Variants in TTC16 observed in about 807,000 individuals in gnomAD.
The protein encoded by TTC16 is tetratricopeptide repeat protein 16.
Under a neutral mutation model 80.4 loss-of-function variants are expected in TTC16, and 66 were observed. The observed-to-expected ratio is 0.82, with a 90% CI of 0.67 to 1.01. The LOEUF (loss-of-function observed/expected upper bound fraction) is 1.01. Ranked by LOEUF, TTC16 falls within the 50% of genes least tolerant of loss-of-function variation. The probability of loss-of-function intolerance (pLI) is 0.00; values close to 1 mark genes in which losing one functional copy is unlikely to be tolerated. For synonymous variants in TTC16, 438 were observed against 451.3 expected (o/e 0.97, Z 0.37); for missense variants, 1,070 against 1,103.2 (o/e 0.97, Z 0.43).
rs1469036920 is a variant in TTC16, at chr9:127,724,829, G to T, written c.1191G>T (p.Gln397His). Residue 397 changes from glutamine (Q) to histidine (H), a missense_variant, in exon 9 of 14, where the codon CAG (glutamine) becomes CAT (histidine). Transcript: ENST00000373289. ...AGCAGGCGCTGGCGCTGAGCCCTCAGGACGAGGGCGCCAACACGCGCATGG... is the reference window on the plus strand; with the variant it reads ...AGCAGGCGCTGGCGCTGAGCCCTCATGACGAGGGCGCCAACACGCGCATGG... ...DYQQALALSPQDEGANTRMGL... is the reference protein window; with the variant it reads ...DYQQALALSPHDEGANTRMGL... The T allele has an allele frequency of 1.2e-6, 2 of 1,604,232 alleles. No homozygotes were observed. Among genetic ancestry groups the T allele is most frequent in the Admixed American group, 3.4e-5 (2 of 58,882 alleles).
At chr9:127,716,476 G>C in intron 1 of TTC16, 1 of 549,684 alleles carries the variant, frequency 1.8e-6, no homozygotes, top group Non-Finnish European at 3.3e-6. Flanking sequence ...TTACCCAAGG[G>C]ACTGTAGGAC....
chr9:127,722,730 C>T lies in TTC16; in HGVS notation c.658-389C>T, dbSNP rs1489515541. Among the ~76,000 whole-genome samples, 3 of 151,990 alleles carry T rather than the reference C, an allele frequency of 2.0e-5. No individual in the cohort carries two copies. Among genetic ancestry groups the T allele is most frequent in the African/African-American group, 4.8e-5 (2 of 41,378 alleles). ...CAGCACTTCGGGAGGCCAAGGTGGG[C>T]GGATCACCTAAGGTCAGGAGTTTGA... On this transcript the variant is annotated intron_variant, in intron 6 of 13. Coordinates refer to ENST00000373289, the MANE Select transcript of TTC16 (RefSeq NM_144965.3). This position sits in a 1 kb window ranked among gnomAD's most constrained non-coding sequence, Gnocchi z 4.2.
chr9:127,723,406 A>C, intron 7 of TTC16, 73 bp downstream of exon 7: 1 of 1,450,072 alleles, frequency 6.9e-7, no homozygotes, highest in African/African-American at 1.4e-5. Context: ...GTTTAAGGAG[A>C]GTCCCTGACC....
Position 127,723,310 on chromosome 9 carries a change from G to A in TTC16, c.849G>A (p.Leu283=), listed in dbSNP as rs1843648211. 2 of 1,612,786 alleles carry A rather than the reference G, an allele frequency of 1.2e-6. No individual in the cohort carries two copies. Among genetic ancestry groups the A allele is most frequent in the South Asian group, 1.1e-5 (1 of 91,082 alleles). ...ACCGTGCCATCGAGAACAACCCTCT[G>A]GACCCCAGTCTCTTCCTCTTCCGGT... The part of the protein sequence containing the change: ...RINRAIENNP[L]DPSLFLFRGT... Residue 283 remains leucine (L), a synonymous_variant, in exon 7 of 14, where the codon CTG becomes CTA. Transcript: ENST00000373289.
At chr9:127,724,097 G>A (rs769598799) in intron 7 of TTC16, 23 bp from the exon 8 acceptor site, 80 of 1,532,786 alleles carry the variant, frequency 5.2e-5, no homozygotes, top group Middle Eastern at 1.8e-4. Flanking sequence ...CCCTCCTGCC[G>A]TCTCCCACGC....
rs943320981 is a variant in TTC16, at chr9:127,718,897, GTCTTT to G, written c.426+1131_426+1135del. ...GTGAGCTACTGCGCCTGGGCTTGATGTCTTTTCTTTATGTCAAAAAATATTCAGTT... is the reference window on the plus strand; with the variant it reads ...GTGAGCTACTGCGCCTGGGCTTGATGTCTTTATGTCAAAAAATATTCAGTT... On this transcript the variant is annotated intron_variant, in intron 4 of 13. Transcript: ENST00000373289. This position sits in a 1 kb window ranked among gnomAD's most constrained non-coding sequence, Gnocchi z 4.6. Among the ~76,000 whole-genome samples, 3 of 150,852 alleles carry G rather than the reference GTCTTT, an allele frequency of 2.0e-5. No individual in the cohort carries two copies. The highest frequency in any genetic ancestry group is 3.0e-5 in the Non-Finnish European group (2 of 67,722).
At position 127,717,688 on chromosome 9, in the gene TTC16, C is replaced by T. The variant is rs753991892; in HGVS notation, c.342C>T (p.Ala114=). ...TCCAGCTCTGTGACTTCTCCTCGGC[C>T]GCCCAGAACCTGCGAAGGGCCTACT... ...AYLQLCDFSS[A]AQNLRRAYSL... is the part of the protein sequence containing the mutation. Residue 114 remains alanine, a synonymous_variant, in exon 4 of 14, where the codon GCC becomes GCT. Transcript: ENST00000373289. 7 of 1,613,890 alleles carry T rather than the reference C, an allele frequency of 4.3e-6. No individual in the cohort carries two copies. Among genetic ancestry groups the T allele is most frequent in the East Asian group, 2.2e-5 (1 of 44,894 alleles).
At position 127,723,149 on chromosome 9, in the gene TTC16, G is replaced by A. The variant is rs1259768809; in HGVS notation, c.688G>A (p.Ala230Thr). 5.6e-6 allele frequency: 9 copies of A among 1,612,262 alleles called. No individual in the cohort carries two copies. Among genetic ancestry groups the A allele is most frequent in the African/African-American group, 2.7e-5 (2 of 74,916 alleles). ...PHLCYRDLHS[A>T]LLLNPKHPQA... ...CCTCTGCTACCGGGACCTGCACAGC[G>A]CCTTGCTGTTGAATCCCAAGCACCC... Residue 230 changes from alanine (A) to threonine (T), a missense_variant, in exon 7 of 14, where the codon GCC becomes ACC. Physicochemically the swap from Ala to Thr is moderately conservative, Grantham distance 58. Coordinates refer to ENST00000373289, the MANE Select transcript of TTC16 (RefSeq NM_144965.3).
In TTC16 at chr9:127,727,375, C is replaced by T. The variant is rs1325168858; in HGVS notation, c.1674C>T (p.Thr558=). 2 of 1,611,188 alleles carry T rather than the reference C, an allele frequency of 1.2e-6. No individual in the cohort carries two copies. Residue 558 remains threonine (T), a synonymous_variant, in exon 12 of 14, where the codon ACC becomes ACT. Transcript: ENST00000373289. ...CGACCTCCGAGGAGCTGAAGGCCACCCCTGAGATTCCGCAGGTAAAACCGG... is the reference window on the plus strand; with the variant it reads ...CGACCTCCGAGGAGCTGAAGGCCACTCCTGAGATTCCGCAGGTAAAACCGG... The part of the protein sequence containing the change: ...LIATSEELKA[T]PEIPQVKPGS...
At chr9:127,728,832 T>C (rs1220788069) in intron 12 of TTC16, 2 of 152,216 alleles carry the variant, frequency 1.3e-5, no homozygotes, top group Admixed American at 6.5e-5. Flanking sequence ...AAGTGCTAGC[T>C]CTTCAGTTTT....
At chr9:127,730,603 G>T (rs1844337145) in intron 13 of TTC16, 33 bp from the exon 14 acceptor site, 1 of 1,602,352 alleles carries the variant, frequency 6.2e-7, no homozygotes, top group Non-Finnish European at 8.5e-7. Flanking sequence ...GGTGCGGCAG[G>T]CCTGATGGGT....
intron 6 of TTC16, among the ~76,000 whole-genome samples, chr9:127,721,783 A>G (rs1393650006): frequency 2.0e-5 from 3 of 152,020 alleles, no homozygotes; most frequent in African/African-American, 7.2e-5. Flanking sequence ...GGCTCACCAC[A>G]ACCTCTACCG....
chr9:127,726,685 G>T (rs1843987834), intron 10 of TTC16, among the ~76,000 whole-genome samples: 1 of 151,934 alleles, frequency 6.6e-6, no homozygotes, highest in African/African-American at 2.4e-5. Context: ...CTACTCAGGA[G>T]GCTGAGGCAT....
rs1843758654 is a variant in TTC16, at chr9:127,724,554, G to A, written c.1117+190G>A. 1.1e-5 allele frequency: 12 copies of A among 1,071,982 alleles called. No homozygotes were observed. In the East Asian group the frequency reaches 3.1e-4, roughly 28 times the overall value. 66.4% of individuals were successfully genotyped at this position (1,071,982 alleles called of 1,614,324 possible). A position where few individuals can be genotyped will look rare whatever the true frequency, so the allele number is the denominator to read the frequency against. On this transcript the variant is annotated intron_variant, in intron 8 of 13. Coordinates refer to ENST00000373289, the MANE Select transcript of TTC16 (RefSeq NM_144965.3). ...TGGGAAATGTTGCCTTAGACAAACT[G>A]GCTCCAGACTCCTTAAAATGCTCAA...
At position 127,726,328 on chromosome 9, in the gene TTC16, G is replaced by A. The variant is rs142193455; in HGVS notation, c.1349G>A (p.Arg450Gln). Residue 450 changes from arginine to glutamine, a missense_variant, in exon 10 of 14, where the codon CGG (arginine) becomes CAG (glutamine). Physicochemically the swap from Arg to Gln is conservative, Grantham distance 43 (BLOSUM62 1). Coordinates refer to ENST00000373289, the MANE Select transcript of TTC16 (RefSeq NM_144965.3). ...TACTACCTGTACCGGGCCAAGAGCC[G>A]GCAGCTGCTGCAGAACATTTTTGGG... Reference protein sequence around the residue: ...AQYYLYRAKSRQLLQNIFGAR... With the variant: ...AQYYLYRAKSQQLLQNIFGAR... The A allele has an allele frequency of 0.02, 31,647 of 1,612,002 alleles. 1,090 individuals carry two copies. The highest frequency in any genetic ancestry group is 0.15 in the Admixed American group (9,156 of 59,780).
At chr9:127,716,808 G>A (rs371264748) in intron 1 of TTC16, 36 bp from the exon 2 acceptor site, 16 of 1,582,850 alleles carry the variant, frequency 1.0e-5, no homozygotes, top group Non-Finnish European at 1.3e-5. Flanking sequence ...GGGTCGTCTC[G>A]GGGGCCTGCT....
chr9:127,724,681 G>A (rs1032519029), intron 8 of TTC16, 75 bp from the exon 9 acceptor site: 37 of 1,545,456 alleles, frequency 2.4e-5, no homozygotes, highest in South Asian at 3.5e-5. Flanking sequence ...CTGGCCCCCG[G>A]GCTGGAGCCG....
Position 127,730,870 on chromosome 9 carries a change from G to A in TTC16, c.2087G>A (p.Ser696Asn). The change falls in exon 14 of 14, where the codon AGC becomes AAC. Residue 696 changes from serine to asparagine, a missense_variant. Transcript: ENST00000373289. ...ACCCAGAGCCAGAGGCGGAACTCCA[G>A]CAAGACCAAGGCCACTATACACAAG... Reference protein sequence around the residue: ...EPTQSQRRNSSKTKATIHKRN... With the variant: ...EPTQSQRRNSNKTKATIHKRN... 1 of 1,613,310 alleles carries A rather than the reference G, an allele frequency of 6.2e-7. No homozygotes were observed. The highest frequency in any genetic ancestry group is 8.5e-7 in the Non-Finnish European group (1 of 1,179,878).
chr9:127,729,857 C>T, intron 13 of TTC16, 189 bp downstream of exon 13: 1 of 591,936 alleles, frequency 1.7e-6, no homozygotes, highest in Non-Finnish European at 3.0e-6. Flanking sequence ...GTGAGGCTTG[C>T]TCCAGGCACT....
Sources: allele counts gnomAD v4.1 joint callset (sites outside exome capture counted in the v4.1 genomes callset), GRCh38; gene constraint gnomAD v4.1.1; non-coding constraint Gnocchi (gnomAD v3.1); transcripts MANE v1.5; gene names NCBI Gene and HGNC (gene_info 2026-07-23, HGNC 2026-07-21).